The following WDR35 variants were observed in gnomAD, a reference collection of about 807,000 sequenced individuals.
The protein encoded by WDR35 is WD repeat domain 35, also known as WD repeat-containing protein 35.
A neutral mutation model predicts 158.3 loss-of-function variants in WDR35; 118 were observed. The ratio of observed to expected loss-of-function variants is 0.75; its 90% CI spans 0.64 to 0.87. The LOEUF (loss-of-function observed/expected upper bound fraction) is 0.87, where lower values mean the gene tolerates loss of function less well. Among genes scored for constraint, WDR35 ranks in the 40% least tolerant of loss-of-function variants. WDR35 has a pLI of 0.00. For synonymous variants in WDR35, 448 were observed against 476.1 expected (o/e 0.94, Z 0.77); for missense variants, 1,263 against 1,405.8 (o/e 0.90, Z 1.62).
chr2:19,962,421 C>A (rs1671692487), intron 10 of WDR35: 2 of 1,224,618 alleles, frequency 1.6e-6, no homozygotes, highest in African/African-American at 1.5e-5. Flanking sequence ...GGCTTATATA[C>A]AAATAATCAT....
chr2:19,978,472 C>A (rs1672279005), intron 5 of WDR35, among the ~76,000 whole-genome samples: 1 of 152,002 alleles, frequency 6.6e-6, no homozygotes, highest in African/African-American at 2.4e-5. Context: ...AAAGAAATTA[C>A]ATAATGAGGC....
At position 19,913,068 on chromosome 2, in the gene WDR35, T is replaced by A. The variant is rs552604639; in HGVS notation, c.*490A>T. ...TTCTGAAAATACAATAAAGAAGACA[T>A]TCGACACTTATTTAATTAAATATGG... On this transcript the variant is annotated 3_prime_UTR_variant, in exon 27 of 27. Coordinates refer to ENST00000281405, the MANE Select transcript of WDR35 (RefSeq NM_020779.4). 1 of 153,442 alleles carries A rather than the reference T, an allele frequency of 6.5e-6. No individual in the cohort carries two copies. The highest frequency in any genetic ancestry group is 2.0e-4 in the South Asian group (1 of 4,888). The allele number at this position is 153,442 out of a possible 1,614,324, so 9.5% of individuals were successfully genotyped here.
In WDR35 at chr2:19,987,116, A is replaced by G. The variant is rs568025111; in HGVS notation, c.142+2049T>C. ...CATAGAAGATGATTTATGGACGTAG[A>G]GGATTGCTGTATTATGTTGCTGTAC... is the stretch of plus-strand genomic sequence containing the variant. On this transcript the variant is annotated intron_variant, in intron 2 of 26. Transcript: ENST00000281405. Among the ~76,000 whole-genome samples, 3 of 152,354 alleles carry G rather than the reference A, an allele frequency of 2.0e-5. No individual in the cohort carries two copies. The East Asian group carries it at 5.8e-4, about 29-fold the overall frequency.
chr2:19,950,480 C>T (rs1399227677), intron 13 of WDR35, among the ~76,000 whole-genome samples: 1 of 152,072 alleles, frequency 6.6e-6, no homozygotes, highest in Admixed American at 6.5e-5. Flanking sequence ...GAAGAAAATA[C>T]GTGGTTGACA....
chr2:19,947,042 G>A (rs1264203829), intron 14 of WDR35, among the ~76,000 whole-genome samples: 2 of 152,094 alleles, frequency 1.3e-5, no homozygotes, highest in African/African-American at 4.8e-5. Context: ...CTAGTTTTTA[G>A]CAAAAGGAAA....
chr2:19,967,225 G>C (rs1383329048), intron 9 of WDR35, among the ~76,000 whole-genome samples: 3 of 152,166 alleles, frequency 2.0e-5, no homozygotes, highest in Non-Finnish European at 4.4e-5. Context: ...GGGGACAACA[G>C]GTAGCGTGAT....
At chr2:19,936,679 C>A (rs1347374815) in intron 19 of WDR35, among the ~76,000 whole-genome samples, 1 of 152,126 alleles carries the variant, frequency 6.6e-6, no homozygotes, top group Non-Finnish European at 1.5e-5. Context: ...ATAAAAGACT[C>A]CTCAGAGAAT....
In WDR35 at chr2:19,919,498, G is replaced by A. The variant is rs560002583; in HGVS notation, c.3122-5221C>T. On this transcript the variant is annotated intron_variant, in intron 25 of 26. Coordinates refer to ENST00000281405, the MANE Select transcript of WDR35 (RefSeq NM_020779.4). ...CCTGAATGACTACTGGGCAAATAACGAAATGAAGGCAGAAATAAAGATGTT... is the reference window on the plus strand; with the variant it reads ...CCTGAATGACTACTGGGCAAATAACAAAATGAAGGCAGAAATAAAGATGTT... Among the ~76,000 whole-genome samples the A allele has an allele frequency of 8.6e-5, 13 of 151,738 alleles. No individual in the cohort carries two copies. The East Asian group carries it at 1.2e-3, about 14-fold the overall frequency.
At chr2:19,944,385 C>G (rs1195697641) in intron 16 of WDR35, among the ~76,000 whole-genome samples, 1 of 152,104 alleles carries the variant, frequency 6.6e-6, no homozygotes, top group Non-Finnish European at 1.5e-5. Context: ...CCAGACTGAC[C>G]ATGTGTGCTA....
At chr2:19,982,362 A>G (rs1383332440) in intron 3 of WDR35, 101 bp downstream of exon 3, 8 of 1,126,352 alleles carry the variant, frequency 7.1e-6, no homozygotes, top group Non-Finnish European at 9.2e-6. Flanking sequence ...TACTGTAAAT[A>G]TTACCATTAT....
rs569920075 is a variant in WDR35 at position 19,951,439 on chromosome 2, C to T, written c.1446G>A (p.Val482=). ...CTTGAATGGTTTTACTATAATCAAG[C>T]ACACCATCCATTGATCCAGAAGGGG... ...DDTPSGSMDG[V]LDYSKTIQGT... The change falls in exon 13 of 27, where the codon GTG becomes GTA. Residue 482 remains valine, a synonymous_variant. Coordinates refer to ENST00000281405, the MANE Select transcript of WDR35 (RefSeq NM_020779.4). 3.1e-6 allele frequency: 5 copies of T among 1,611,442 alleles called. No individual in the cohort carries two copies. The Admixed American group carries it at 8.3e-5, about 27-fold the overall frequency.
chr2:19,919,758 G>A (rs1572309369), intron 25 of WDR35, among the ~76,000 whole-genome samples: 1 of 152,058 alleles, frequency 6.6e-6, no homozygotes, highest in Non-Finnish European at 1.5e-5. Flanking sequence ...AGGAGATAGA[G>A]ACACAAAAAA....
chr2:19,938,235 A>G (rs968355444), intron 18 of WDR35, 30 bp downstream of exon 18: 2 of 1,613,756 alleles, frequency 1.2e-6, no homozygotes, highest in Non-Finnish European at 1.7e-6. Context: ...TACACCTGAC[A>G]TCCTGGGAGA....
At position 19,913,633 on chromosome 2, in the gene WDR35, T is replaced by A; in HGVS notation, c.3438A>T (p.Val1146=). The A allele has an allele frequency of 3.1e-6, 5 of 1,614,158 alleles. No homozygotes were observed. The highest frequency in any genetic ancestry group is 4.2e-6 in the Non-Finnish European group (5 of 1,179,992). ...ITEYQFWMCS[V]CKHGVLAQEI... ...CCTGAGCAAGGACACCGTGTTTGCA[T>A]ACACTGCACATCCAGAATTGATACT... Residue 1146 remains valine (V), a synonymous_variant, in exon 27 of 27, where the codon GTA becomes GTT. Transcript: ENST00000281405.
At chr2:19,975,811 AC>A (rs2103457161) in intron 5 of WDR35, 148 bp from the exon 6 acceptor site, 2 of 1,030,998 alleles carry the variant, frequency 1.9e-6, no homozygotes, top group Admixed American at 4.1e-5. Flanking sequence ...TTTACTGAGC[AC>A]CTATATGTGC....
chr2:19,914,946 G>A (rs1172453789), intron 25 of WDR35, among the ~76,000 whole-genome samples: 1 of 151,886 alleles, frequency 6.6e-6, no homozygotes, highest in African/African-American at 2.4e-5. Context: ...GGGGGTGGGG[G>A]GCTAGGGGAG....
intron 8 of WDR35, among the ~76,000 whole-genome samples, chr2:19,971,162 G>C (rs1672024609): frequency 6.6e-6 from 1 of 151,996 alleles, no homozygotes; most frequent in Non-Finnish European, 1.5e-5. Flanking sequence ...TCTTTTATTT[G>C]ACAGAATGAT....
Position 19,914,219 on chromosome 2 carries a change from T to C in WDR35, c.3180A>G (p.Leu1060=). ...IIPPVEIYSL[L]ALCACASRAF... ...CTCTGCTGGCGCATGCGCAGAGTGCTAGCAGAGAGTAGATCTCCACAGGAG... is the reference window on the plus strand; with the variant it reads ...CTCTGCTGGCGCATGCGCAGAGTGCCAGCAGAGAGTAGATCTCCACAGGAG... Residue 1060 remains leucine (L), a synonymous_variant, in exon 26 of 27, where the codon CTA becomes CTG. Transcript: ENST00000281405. 2 of 1,614,174 alleles carry C rather than the reference T, an allele frequency of 1.2e-6. No individual in the cohort carries two copies. The highest frequency in any genetic ancestry group is 1.7e-6 in the Non-Finnish European group (2 of 1,180,014).
intron 2 of WDR35, 139 bp from the exon 3 acceptor site, chr2:19,982,673 T>A: frequency 1.1e-6 from 1 of 903,658 alleles, no homozygotes; most frequent in Non-Finnish European, 1.7e-6. Context: ...TCTCATGGTA[T>A]AAACATGAAC....
Sources: gnomAD v4.1 joint callset for allele counts (sites outside exome capture counted in the v4.1 genomes callset) on GRCh38, gnomAD v4.1.1 for gene constraint, MANE v1.5 for transcripts, NCBI Gene and HGNC (gene_info 2026-07-23, HGNC 2026-07-21) for gene names.